DDX10: variants seen among roughly 807,000 people sequenced by gnomAD.
DDX10 encodes DEAD-box helicase 10.
DDX10 carries 74 observed loss-of-function variants against 104.3 expected under a neutral mutation model. The ratio of observed to expected loss-of-function variants is 0.71; its 90% CI spans 0.59 to 0.86. The LOEUF (loss-of-function observed/expected upper bound fraction) is 0.86, where lower values mean the gene tolerates loss of function less well. Among genes scored for constraint, DDX10 ranks in the 40% least tolerant of loss-of-function variants. The pLI, the probability that DDX10 is intolerant of heterozygous loss-of-function variation, is 0.00. For missense variants in DDX10, 952 were observed against 1,040.0 expected, an observed-to-expected ratio of 0.92 and a Z score of 1.16; for synonymous variants, 351 against 353.4, an observed-to-expected ratio of 0.99 and a Z score of 0.08.
intron 13 of DDX10, among the ~76,000 whole-genome samples, chr11:108,778,372 C>A (rs1234634985): frequency 9.2e-5 from 14 of 152,150 alleles, no homozygotes; most frequent in African/African-American, 2.4e-5. Flanking sequence ...CAGAACAGAG[C>A]CCTTGGAAAT....
intron 13 of DDX10, among the ~76,000 whole-genome samples, chr11:108,837,642 T>TA (rs1565294063): frequency 8.1e-4 from 94 of 116,304 alleles, no homozygotes; most frequent in African/African-American, 2.7e-3. Context: ...TTTTTTTTTT[T>TA]AGGCAAAGCC....
rs772455224 is a variant in DDX10 at position 108,679,586 on chromosome 11, A to T, written c.848+26A>T. 6 of 1,498,442 alleles carry T rather than the reference A, an allele frequency of 4.0e-6. 1 individual carries two copies. In the South Asian group the frequency reaches 7.8e-5, roughly 20 times the overall value. The allele number at this position is 1,498,442 out of a possible 1,614,324, so 92.8% of individuals were successfully genotyped here. On this transcript the variant is annotated intron_variant, in intron 6 of 17. Transcript: ENST00000322536. ...GTATGTACTCTTTGAGTCAATCAAGATAAATGTTTTTTACTTTTTTAGTTT... is the reference window on the plus strand; with the variant it reads ...GTATGTACTCTTTGAGTCAATCAAGTTAAATGTTTTTTACTTTTTTAGTTT...
chr11:108,719,813 T>C lies in DDX10; in HGVS notation c.1427T>C (p.Val476Ala). 6.2e-7 allele frequency: 1 copy of C among 1,603,666 alleles called. No individual in the cohort carries two copies. The highest frequency in any genetic ancestry group is 8.5e-7 in the Non-Finnish European group (1 of 1,170,726). ...ERAQRCFVSY[V>A]RSVYLMKDKE... ...AATTTACAGTGTTTCGTCTCCTATGTACGATCTGTATATCTGATGAAGGAT... is the reference window on the plus strand; with the variant it reads ...AATTTACAGTGTTTCGTCTCCTATGCACGATCTGTATATCTGATGAAGGAT... Residue 476 changes from valine to alanine, a missense_variant, in exon 12 of 18, where the codon GTA becomes GCA. Val to Ala is a moderately conservative substitution (Grantham distance 64). Transcript: ENST00000322536.
At chr11:108,778,982 A>G (rs1216305385) in intron 13 of DDX10, among the ~76,000 whole-genome samples, 3 of 152,182 alleles carry the variant, frequency 2.0e-5, no homozygotes, top group African/African-American at 4.8e-5. Context: ...CAAAACCACA[A>G]TGGGATACCA....
intron 6 of DDX10, among the ~76,000 whole-genome samples, chr11:108,679,945 G>A (rs2094232373): frequency 1.3e-5 from 2 of 152,224 alleles, no homozygotes; most frequent in African/African-American, 4.8e-5. Flanking sequence ...CATTGTGATT[G>A]TTGAAAGCAG....
intron 13 of DDX10, among the ~76,000 whole-genome samples, chr11:108,774,797 A>G (rs761612525): frequency 2.4e-4 from 37 of 152,162 alleles, no homozygotes; most frequent in Non-Finnish European, 4.9e-4. Flanking sequence ...GTTCTCCGGT[A>G]TGCTTTGAGG....
chr11:108,831,421 CAA>C (rs779264219), intron 13 of DDX10, among the ~76,000 whole-genome samples: 43 of 69,806 alleles, frequency 6.2e-4, no homozygotes, highest in South Asian at 2.4e-3. Context: ...GAGACTGTCT[CAA>C]AAAAAAAAAA....
chr11:108,918,036 G>T lies in DDX10; in HGVS notation c.2450+18G>T. On this transcript the variant is annotated intron_variant, in intron 17 of 17. Transcript: ENST00000322536. ...AAAATAAGGTATGTTTTTACTATGGGTATGAAATACATACTTAGTACTCTC... is the reference window on the plus strand; with the variant it reads ...AAAATAAGGTATGTTTTTACTATGGTTATGAAATACATACTTAGTACTCTC... 1.2e-6 allele frequency: 2 copies of T among 1,604,902 alleles called. No homozygotes were observed. The highest frequency in any genetic ancestry group is 1.7e-5 in the Admixed American group (1 of 59,984).
At chr11:108,746,753 G>T (rs577902791) in intron 13 of DDX10, among the ~76,000 whole-genome samples, 1 of 152,028 alleles carries the variant, frequency 6.6e-6, no homozygotes, top group African/African-American at 2.4e-5. Flanking sequence ...CATCTCACTA[G>T]ATAGGAAATA....
chr11:108,746,017 G>GT (rs1279287815), intron 13 of DDX10, among the ~76,000 whole-genome samples: 1 of 152,024 alleles, frequency 6.6e-6, no homozygotes, highest in Non-Finnish European at 1.5e-5. Flanking sequence ...GTATTAGAAT[G>GT]TTTTTTATCA....
At chr11:108,826,070 G>T (rs1366332180) in intron 13 of DDX10, among the ~76,000 whole-genome samples, 2 of 151,976 alleles carry the variant, frequency 1.3e-5, no homozygotes, top group African/African-American at 4.8e-5. Flanking sequence ...TTAGGGTTGG[G>T]GTCTTATAGT....
intron 13 of DDX10, among the ~76,000 whole-genome samples, chr11:108,783,563 A>G (rs899992612): frequency 6.6e-6 from 1 of 152,206 alleles, no homozygotes; most frequent in African/African-American, 2.4e-5. Flanking sequence ...GCCTAAGTGA[A>G]GAAGCCCTTG....
intron 6 of DDX10, among the ~76,000 whole-genome samples, chr11:108,684,749 A>G (rs534963471): frequency 1.4e-5 from 2 of 147,542 alleles, no homozygotes; most frequent in Admixed American, 1.4e-4. Flanking sequence ...TGGTATTTCT[A>G]GTTCTAGATC....
chr11:108,715,047 G>C (rs1489271879), intron 10 of DDX10, among the ~76,000 whole-genome samples: 2 of 129,098 alleles, frequency 1.5e-5, no homozygotes, highest in Admixed American at 1.6e-4. Flanking sequence ...GTGAAGCCTA[G>C]ACCTCTTTAA....
At chr11:108,826,195 A>AAAACATAG (rs1488865463) in intron 13 of DDX10, among the ~76,000 whole-genome samples, 2 of 152,280 alleles carry the variant, frequency 1.3e-5, no homozygotes, top group Non-Finnish European at 2.9e-5. Context: ...ACATTTATTA[A>AAAACATAG]AAACATAGAC....
chr11:108,887,702 G>A (rs1393106454), intron 16 of DDX10, among the ~76,000 whole-genome samples: 1 of 151,956 alleles, frequency 6.6e-6, no homozygotes. Flanking sequence ...TTCACTTGAT[G>A]ACAGGAGTTC....
At chr11:108,918,195 A>C (rs1186409100) in intron 17 of DDX10, 177 bp downstream of exon 17, 1 of 652,270 alleles carries the variant, frequency 1.5e-6, no homozygotes, top group Non-Finnish European at 2.6e-6. Context: ...TTTGCTGCAG[A>C]TTGTTCTGGT....
intron 13 of DDX10, among the ~76,000 whole-genome samples, chr11:108,741,471 T>A (rs1307532082): frequency 6.6e-6 from 1 of 152,196 alleles, no homozygotes; most frequent in Non-Finnish European, 1.5e-5. Context: ...GTGTCCTCTC[T>A]GATCTCTTTG....
At chr11:108,700,955 T>C (rs61913977) in intron 9 of DDX10, among the ~76,000 whole-genome samples, 7,624 of 152,208 alleles carry the variant, frequency 0.05, 232 homozygotes, top group Non-Finnish European at 0.076. Context: ...TCCTTGTTCT[T>C]AGTCAGTGCT....
Sources: allele counts gnomAD v4.1 joint callset (sites outside exome capture counted in the v4.1 genomes callset), GRCh38; gene constraint gnomAD v4.1.1; transcripts MANE v1.5; gene names NCBI Gene and HGNC (gene_info 2026-07-23, HGNC 2026-07-21).